The following CACNA2D1 variants were observed in gnomAD, a reference collection of about 807,000 sequenced individuals.
CACNA2D1 encodes the protein voltage-dependent calcium channel subunit alpha-2/delta-1.
In CACNA2D1, 53 loss-of-function variants were observed where a neutral mutation model predicts 171.5. The ratio of observed to expected loss-of-function variants is 0.31; its 90% CI spans 0.25 to 0.39. CACNA2D1 has a LOEUF of 0.39. CACNA2D1 is among the 10% of genes least tolerant of loss of function. The probability of loss-of-function intolerance (pLI) is 1.00; values close to 1 mark genes in which losing one functional copy is unlikely to be tolerated. For synonymous variants in CACNA2D1, 442 were observed against 443.1 expected, an observed-to-expected ratio of 1.00 and a Z score of 0.03; for missense variants, 903 against 1,299.8, an observed-to-expected ratio of 0.69 and a Z score of 4.69.
chr7:81,986,753 T>G (rs1161637247), intron 21 of CACNA2D1, among the ~76,000 whole-genome samples: 1 of 152,148 alleles, frequency 6.6e-6, no homozygotes, highest in African/African-American at 2.4e-5. Flanking sequence ...TCTATATTCA[T>G]TTTATAGGTA....
At chr7:82,252,371 T>C (rs1805748190) in intron 3 of CACNA2D1, among the ~76,000 whole-genome samples, 1 of 152,150 alleles carries the variant, frequency 6.6e-6, no homozygotes, top group East Asian at 1.9e-4. Flanking sequence ...GGAGCCAATA[T>C]TTGAAAACTG....
chr7:82,108,744 A>T (rs1788041363), intron 6 of CACNA2D1, among the ~76,000 whole-genome samples: 1 of 152,194 alleles, frequency 6.6e-6, no homozygotes, highest in Non-Finnish European at 1.5e-5. Context: ...ATGTTATTTT[A>T]AAAAGATAGT....
chr7:82,441,003 C>T (rs1830462412), intron 1 of CACNA2D1, among the ~76,000 whole-genome samples: 1 of 150,990 alleles, frequency 6.6e-6, no homozygotes, highest in Non-Finnish European at 1.5e-5. Flanking sequence ...CTAATGATTC[C>T]GAGAGAAATT....
chr7:82,050,370 A>G (rs1469274736), intron 10 of CACNA2D1: 8 of 536,230 alleles, frequency 1.5e-5, no homozygotes, highest in South Asian at 1.1e-4. Flanking sequence ...ACTCATAGCA[A>G]CAGAGGAGCA....
chr7:82,363,846 A>C (rs1258313234), intron 1 of CACNA2D1, among the ~76,000 whole-genome samples: 1 of 152,210 alleles, frequency 6.6e-6, no homozygotes, highest in Non-Finnish European at 1.5e-5. Context: ...CGGGTTCTTC[A>C]GACTATAGAT....
intron 34 of CACNA2D1, among the ~76,000 whole-genome samples, chr7:81,962,934 TGTA>T (rs1794312547): frequency 5.3e-5 from 8 of 152,080 alleles, no homozygotes; most frequent in Admixed American, 5.3e-4. Context: ...CTATTTACTT[TGTA>T]ATATAGAATA....
Position 82,140,169 on chromosome 7 carries a change from AACTG to A in CACNA2D1, c.355-3497_355-3494del, listed in dbSNP as rs150116316. Among the ~76,000 whole-genome samples the A allele has an allele frequency of 8.5e-3, 1,290 of 152,220 alleles. 8 individuals carry two copies. Among genetic ancestry groups the A allele is most frequent in the Non-Finnish European group, 0.013 (890 of 68,008 alleles). On this transcript the variant is annotated intron_variant, in intron 4 of 38. Coordinates refer to ENST00000356860, the MANE Select transcript of CACNA2D1 (RefSeq NM_000722.4). Reference sequence around the variant, plus strand: ...GTCAAAATATCAATGAAAAAAACAAAACTGACTTTTTATAGAAAACAACAAAATG... The same window carrying A: ...GTCAAAATATCAATGAAAAAAACAAAACTTTTTATAGAAAACAACAAAATG...
chr7:81,974,766 T>C (rs888040352), intron 24 of CACNA2D1, among the ~76,000 whole-genome samples: 1 of 115,102 alleles, frequency 8.7e-6, no homozygotes, highest in Non-Finnish European at 1.8e-5. Flanking sequence ...GTTTGGCCTT[T>C]GGACAGTAGG....
At chr7:81,984,760 CAT>C in intron 21 of CACNA2D1, 49 bp from the exon 22 acceptor site, 1 of 970,216 alleles carries the variant, frequency 1.0e-6, no homozygotes, top group Non-Finnish European at 1.6e-6. Flanking sequence ...AAAAATGAAA[CAT>C]AACTTAAAAA....
In CACNA2D1 at chr7:82,138,442, TTTTTTTG is replaced by T. The variant is rs1367469438; in HGVS notation, c.355-1773_355-1767del. Among the ~76,000 whole-genome samples the T allele has an allele frequency of 2.0e-3, 145 of 72,200 alleles. 10 individuals carry two copies. The highest frequency in any genetic ancestry group is 8.3e-3 in the East Asian group (22 of 2,666). The allele number at this position is 72,200 out of a possible 152,430, so 47.4% of individuals were successfully genotyped here. A position where few individuals can be genotyped will look rare whatever the true frequency, so the allele number is the denominator to read the frequency against. ...ATAGCATTAGTTTTGTTTTTTTTGT[TTTTTTTG>T]TTTTTTTTTTTTTTTGAGACAGAGT... On this transcript the variant is annotated intron_variant, in intron 4 of 38. Coordinates refer to ENST00000356860, the MANE Select transcript of CACNA2D1 (RefSeq NM_000722.4).
At chr7:82,214,558 A>G (rs1800911376) in intron 3 of CACNA2D1, among the ~76,000 whole-genome samples, 2 of 152,162 alleles carry the variant, frequency 1.3e-5, no homozygotes, top group Non-Finnish European at 2.9e-5. Flanking sequence ...ATAGCACACA[A>G]TATCCAACTT....
At position 82,131,224 on chromosome 7, in the gene CACNA2D1, T is replaced by A. The variant is rs887121494; in HGVS notation, c.396+5411A>T. ...TACTTTAAAAGTATATTCTTGTAAC[T>A]AATAACTGAGTCTCAGCTAATCATA... On this transcript the variant is annotated intron_variant, in intron 5 of 38. Transcript: ENST00000356860. 7.9e-5 allele frequency among the ~76,000 whole-genome samples: 12 copies of A among 152,216 alleles called. No homozygotes were observed. The East Asian group carries it at 2.3e-3, about 29-fold the overall frequency.
chr7:82,216,535 T>C (rs752985788), intron 3 of CACNA2D1, among the ~76,000 whole-genome samples: 15 of 152,222 alleles, frequency 9.9e-5, no homozygotes, highest in Admixed American at 3.3e-4. Flanking sequence ...GTTTGCTACA[T>C]ATTCATGAGA....
intron 6 of CACNA2D1, among the ~76,000 whole-genome samples, chr7:82,111,440 A>ATT (rs1563065500): frequency 2.0e-5 from 2 of 99,748 alleles, no homozygotes; most frequent in Non-Finnish European, 4.0e-5. Flanking sequence ...ATATATATAT[A>ATT]TATATTTTTT....
At chr7:82,204,942 C>T in intron 3 of CACNA2D1, among the ~76,000 whole-genome samples, 1 of 152,186 alleles carries the variant, frequency 6.6e-6, no homozygotes, top group African/African-American at 2.4e-5. Flanking sequence ...GTAACCATGC[C>T]ACGTGAGGTG....
chr7:82,355,230 TCTTAGAAATAAATATA>T (rs1820288341), intron 1 of CACNA2D1, among the ~76,000 whole-genome samples: 1 of 152,142 alleles, frequency 6.6e-6, no homozygotes, highest in Admixed American at 6.6e-5. Context: ...AAAATCTTTC[TCTTAGAAATAAATATA>T]TACAATCTTT....
chr7:82,369,898 T>C (rs1461267880), intron 1 of CACNA2D1, among the ~76,000 whole-genome samples: 1 of 152,082 alleles, frequency 6.6e-6, no homozygotes, highest in Non-Finnish European at 1.5e-5. Flanking sequence ...ATGATTAATA[T>C]TTTATTATTT....
chr7:82,368,897 A>G (rs1822041510), intron 1 of CACNA2D1, among the ~76,000 whole-genome samples: 1 of 152,314 alleles, frequency 6.6e-6, no homozygotes, highest in African/African-American at 2.4e-5. Flanking sequence ...ATTCCAGAAT[A>G]ACCTAAGTTC....
At chr7:82,088,303 G>T (rs902259388) in intron 6 of CACNA2D1, among the ~76,000 whole-genome samples, 5 of 151,980 alleles carry the variant, frequency 3.3e-5, no homozygotes, top group African/African-American at 1.2e-4. Context: ...GGTACAAAAC[G>T]TCATTTTTTC....
Sources: gnomAD v4.1 joint callset for allele counts (sites outside exome capture counted in the v4.1 genomes callset) on GRCh38, gnomAD v4.1.1 for gene constraint, MANE v1.5 for transcripts, NCBI Gene and HGNC (gene_info 2026-07-23, HGNC 2026-07-21) for gene names.